The following ICA1L variants were observed in gnomAD, a reference collection of about 807,000 sequenced individuals.
ICA1L encodes the protein islet cell autoantigen 1 like, also known as islet cell autoantigen 1-like protein.
A neutral mutation model predicts 61.3 loss-of-function variants in ICA1L; 50 were observed. The ratio of observed to expected loss-of-function variants is 0.82; its 90% CI spans 0.65 to 1.03. The LOEUF (loss-of-function observed/expected upper bound fraction) is 1.03. Among genes scored for constraint, ICA1L ranks in the 50% least tolerant of loss-of-function variants. ICA1L has a pLI of 0.00. For missense variants in ICA1L, 508 were observed against 556.7 expected, an observed-to-expected ratio of 0.91 and a Z score of 0.88; for synonymous variants, 161 against 191.3, an observed-to-expected ratio of 0.84 and a Z score of 1.31.
At chr2:202,788,686 G>C in intron 11 of ICA1L, 144 bp downstream of exon 11, 1 of 809,836 alleles carries the variant, frequency 1.2e-6, no homozygotes, top group Non-Finnish European at 2.0e-6. Flanking sequence ...TATTTTTCCA[G>C]TTGATTGGTG....
intron 1 of ICA1L, among the ~76,000 whole-genome samples, chr2:202,843,477 A>G (rs1694382795): frequency 6.6e-6 from 1 of 152,174 alleles, no homozygotes. Flanking sequence ...GATCACCCCA[A>G]TCTATTTTTT....
At chr2:202,811,613 G>A (rs1693380653) in intron 9 of ICA1L, 133 bp downstream of exon 9, 1 of 589,614 alleles carries the variant, frequency 1.7e-6, no homozygotes, top group Non-Finnish European at 2.9e-6. Flanking sequence ...AGTGAGCCAA[G>A]ATCACGCAAC....
At chr2:202,866,049 G>A (rs909384890) in intron 1 of ICA1L, among the ~76,000 whole-genome samples, 4 of 152,158 alleles carry the variant, frequency 2.6e-5, no homozygotes, top group Non-Finnish European at 5.9e-5. Context: ...ACATTGCTGA[G>A]AAAAATTAAA....
intron 9 of ICA1L, 130 bp downstream of exon 9, chr2:202,811,616 C>T (rs1221557191): frequency 1.2e-5 from 7 of 603,482 alleles, no homozygotes; most frequent in Admixed American, 3.2e-5. Flanking sequence ...GAGCCAAGAT[C>T]ACGCAACTGC....
rs563381601 is a variant in ICA1L at position 202,794,397 on chromosome 2, AAAGT to A, written c.985+2489_985+2492del. 1.1e-4 allele frequency among the ~76,000 whole-genome samples: 17 copies of A among 152,068 alleles called. No individual in the cohort carries two copies. The South Asian group carries it at 1.9e-3, about 17-fold the overall frequency. Reference sequence around the variant, plus strand: ...ACCATTCCTAATAAAAATTCTTAAGAAAGTAAGTATGGATGGATGCTTCCTTAAC... The same window carrying A: ...ACCATTCCTAATAAAAATTCTTAAGAAAGTATGGATGGATGCTTCCTTAAC... On this transcript the variant is annotated intron_variant, in intron 10 of 12. Coordinates refer to ENST00000358299, the MANE Select transcript of ICA1L (RefSeq NM_001288622.3).
rs775230690 is a variant in ICA1L at position 202,779,577 on chromosome 2, G to T, written c.1405C>A (p.Pro469Thr). The T allele has an allele frequency of 1.1e-5, 17 of 1,613,130 alleles. No individual in the cohort carries two copies. The East Asian group carries it at 3.8e-4, about 36-fold the overall frequency. Residue 469 changes from proline (P) to threonine (T), a missense_variant, in exon 13 of 13, where the codon CCA (proline) becomes ACA (threonine). Coordinates refer to ENST00000358299, the MANE Select transcript of ICA1L (RefSeq NM_001288622.3). Reference protein sequence around the residue: ...LFADLDPLSNPDAIGHSDDEL... With the variant: ...LFADLDPLSNTDAIGHSDDEL... ...TCATCTGAGTGTCCAATAGCATCTG[G>T]GTTTGAAAGTGGATCCAAGTCTGCA...
At chr2:202,806,616 G>A (rs1559133567) in intron 9 of ICA1L, among the ~76,000 whole-genome samples, 1 of 150,824 alleles carries the variant, frequency 6.6e-6, no homozygotes, top group Non-Finnish European at 1.5e-5. Context: ...ACTGCACTCC[G>A]ACGTGGCTGA....
intron 1 of ICA1L, among the ~76,000 whole-genome samples, chr2:202,834,373 A>G (rs973603346): frequency 2.7e-4 from 41 of 152,330 alleles, no homozygotes; most frequent in African/African-American, 9.4e-4. Context: ...TCACACCTGT[A>G]ATCCCAGCAC....
chr2:202,775,474 A>G lies in ICA1L; in HGVS notation c.*4059T>C, dbSNP rs756186188. 1.3e-5 allele frequency: 2 copies of G among 152,160 alleles called. No individual in the cohort carries two copies. Among genetic ancestry groups the G allele is most frequent in the Non-Finnish European group, 2.9e-5 (2 of 68,042 alleles). 9.4% of individuals were successfully genotyped at this position (152,160 alleles called of 1,614,324 possible). On this transcript the variant is annotated 3_prime_UTR_variant, in exon 13 of 13. Coordinates refer to ENST00000358299, the MANE Select transcript of ICA1L (RefSeq NM_001288622.3). Reference sequence around the variant, plus strand: ...AATAACGTACATTATATTATTTCCCATATCTTACATAGTCCCCTTGTATAT... The same window carrying G: ...AATAACGTACATTATATTATTTCCCGTATCTTACATAGTCCCCTTGTATAT...
chr2:202,814,628 A>C, intron 8 of ICA1L, 74 bp downstream of exon 8: 1 of 963,840 alleles, frequency 1.0e-6, no homozygotes, highest in Non-Finnish European at 1.6e-6. Context: ...AGAAGAAACA[A>C]TTCTTTCCAC....
In ICA1L at chr2:202,774,214, G is replaced by C. The variant is rs543604665; in HGVS notation, c.*5319C>G. ...CCAGGAACTCCAGCAGCGCCGGATC[G>C]AAGGCGCGGGGCGGCTCCTGAGTCT... On this transcript the variant is annotated 3_prime_UTR_variant, in exon 13 of 13. Transcript: ENST00000358299. The C allele has an allele frequency of 5.8e-5, 90 of 1,550,550 alleles. No homozygotes were observed. In the African/African-American group the frequency reaches 1.1e-3, roughly 19 times the overall value.
chr2:202,842,691 C>T (rs1694365258), intron 1 of ICA1L, among the ~76,000 whole-genome samples: 1 of 152,130 alleles, frequency 6.6e-6, no homozygotes. Flanking sequence ...TTATACCTTT[C>T]CTCAGATTTG....
chr2:202,844,801 TGA>T (rs1559145895), intron 1 of ICA1L, among the ~76,000 whole-genome samples: 1 of 152,208 alleles, frequency 6.6e-6, no homozygotes, highest in Non-Finnish European at 1.5e-5. Context: ...CTATAAAAAA[TGA>T]TCACAAACTT....
At chr2:202,782,403 T>A (rs528421808) in intron 12 of ICA1L, among the ~76,000 whole-genome samples, 1 of 151,888 alleles carries the variant, frequency 6.6e-6, no homozygotes, top group African/African-American at 2.4e-5. Context: ...TGTTGTTTGT[T>A]TTGTTTTTGG....
rs754199659 is a variant in ICA1L at position 202,821,366 on chromosome 2, G to A, written c.351C>T (p.Ala117=). ...GAACAACCATGGTAAACCTTTGCTT[G>A]GCTGAAGAACAAAGTGCCTTGCCAG... ...DATGKALCSS[A]KQRLALCTPL... Residue 117 remains alanine (A), a synonymous_variant, in exon 4 of 13, where the codon GCC becomes GCT. Transcript: ENST00000358299. The A allele has an allele frequency of 4.9e-5, 79 of 1,613,180 alleles. 1 individual carries two copies. The highest frequency in any genetic ancestry group is 6.6e-5 in the Non-Finnish European group (78 of 1,179,730).
At chr2:202,851,771 G>A (rs1694629760) in intron 1 of ICA1L, among the ~76,000 whole-genome samples, 1 of 152,096 alleles carries the variant, frequency 6.6e-6, no homozygotes, top group Non-Finnish European at 1.5e-5. Context: ...GTGATGACGA[G>A]CATTTTGTCA....
chr2:202,850,083 G>C (rs1287692542), intron 1 of ICA1L, among the ~76,000 whole-genome samples: 1 of 151,994 alleles, frequency 6.6e-6, no homozygotes, highest in Admixed American at 6.6e-5. Flanking sequence ...CTAACAAACA[G>C]AAAGCAATAA....
chr2:202,787,824 A>G (rs763589909), intron 11 of ICA1L, among the ~76,000 whole-genome samples: 4 of 152,262 alleles, frequency 2.6e-5, no homozygotes, highest in Non-Finnish European at 5.9e-5. Flanking sequence ...ATGAAAATAG[A>G]TAAAGCAAAG....
chr2:202,791,338 G>A (rs1156883298), intron 10 of ICA1L, among the ~76,000 whole-genome samples: 1 of 151,716 alleles, frequency 6.6e-6, no homozygotes, highest in Non-Finnish European at 1.5e-5. Context: ...AAAAAGACTG[G>A]GACAAAATAT....
Sources: gnomAD v4.1 joint callset for allele counts (sites outside exome capture counted in the v4.1 genomes callset) on GRCh38, gnomAD v4.1.1 for gene constraint, MANE v1.5 for transcripts, NCBI Gene and HGNC (gene_info 2026-07-23, HGNC 2026-07-21) for gene names.